Variants in DCDC1 observed in about 807,000 individuals in gnomAD.
DCDC1 encodes doublecortin domain-containing protein 1.
DCDC1 carries 200 observed loss-of-function variants against 178.3 expected under a neutral mutation model. The observed-to-expected ratio is 1.12, with a 90% confidence interval of 1.00 to 1.26. DCDC1 has a LOEUF of 1.26. DCDC1 is among the 50% of genes most tolerant of loss of function. The probability of loss-of-function intolerance (pLI) is 0.00; values close to 1 mark genes in which losing one functional copy is unlikely to be tolerated. For synonymous variants in DCDC1, 690 were observed against 604.8 expected, an observed-to-expected ratio of 1.14 and a Z score of -2.07; for missense variants, 1,983 against 1,749.2, an observed-to-expected ratio of 1.13 and a Z score of -2.38.
At chr11:31,163,423 T>A (rs1372363377) in intron 9 of DCDC1, among the ~76,000 whole-genome samples, 1 of 152,174 alleles carries the variant, frequency 6.6e-6, no homozygotes, top group Non-Finnish European at 1.5e-5. Flanking sequence ...ATTCCTGAAT[T>A]TGTTTGTTTT....
At chr11:30,875,490 C>T (rs945759646) in intron 38 of DCDC1, among the ~76,000 whole-genome samples, 1 of 151,828 alleles carries the variant, frequency 6.6e-6, no homozygotes, top group Admixed American at 6.6e-5. Context: ...GTGTTTTGAT[C>T]ATTCGCTTCC....
At chr11:31,087,641 A>G (rs1957559295) in intron 17 of DCDC1, among the ~76,000 whole-genome samples, 2 of 152,140 alleles carry the variant, frequency 1.3e-5, no homozygotes. Flanking sequence ...GGTTTTGCAG[A>G]AAACTTGCCA....
chr11:31,259,639 A>T (rs1944649529), intron 8 of DCDC1, among the ~76,000 whole-genome samples: 1 of 152,146 alleles, frequency 6.6e-6, no homozygotes. Flanking sequence ...CTTAACCAAC[A>T]CTTTGTGCAG....
At chr11:31,292,058 A>C in intron 6 of DCDC1, among the ~76,000 whole-genome samples, 1 of 152,100 alleles carries the variant, frequency 6.6e-6, no homozygotes, top group East Asian at 1.9e-4. Context: ...ACATACACAC[A>C]TATAAAAACA....
At chr11:31,213,225 T>C (rs972343169) in intron 9 of DCDC1, among the ~76,000 whole-genome samples, 1 of 147,562 alleles carries the variant, frequency 6.8e-6, no homozygotes, top group Non-Finnish European at 1.5e-5. Context: ...CTTCAGTCAC[T>C]TCACCCCAGT....
intron 1 of DCDC1, among the ~76,000 whole-genome samples, chr11:31,345,173 T>G (rs947941408): frequency 2.6e-4 from 40 of 152,162 alleles, no homozygotes; most frequent in Admixed American, 2.6e-3. Context: ...CTTATTATAG[T>G]ATGTGGTTAT....
intron 11 of DCDC1, among the ~76,000 whole-genome samples, chr11:31,117,879 A>G (rs1481616670): frequency 2.0e-5 from 3 of 152,136 alleles, no homozygotes; most frequent in Non-Finnish European, 4.4e-5. Context: ...AAGAATTGCA[A>G]CAAGGATTTC....
chr11:31,071,235 T>C (rs1956539893), intron 18 of DCDC1, among the ~76,000 whole-genome samples: 1 of 152,214 alleles, frequency 6.6e-6, no homozygotes, highest in South Asian at 2.1e-4. Context: ...TGCCAACATT[T>C]GGTATTCATA....
chr11:30,932,221 T>C (rs887302072), intron 21 of DCDC1, among the ~76,000 whole-genome samples: 5 of 149,434 alleles, frequency 3.3e-5, no homozygotes, highest in Admixed American at 2.7e-4. Context: ...CTCGAAAAAA[T>C]AGAACCGAAT....
At chr11:31,078,126 C>A (rs1439952036) in intron 17 of DCDC1, among the ~76,000 whole-genome samples, 1 of 152,170 alleles carries the variant, frequency 6.6e-6, no homozygotes, top group African/African-American at 2.4e-5. Context: ...TGCTCTGGTA[C>A]CCTAAGCGGG....
chr11:31,335,820 G>C (rs945718656), intron 1 of DCDC1, among the ~76,000 whole-genome samples: 1 of 152,120 alleles, frequency 6.6e-6, no homozygotes, highest in African/African-American at 2.4e-5. Flanking sequence ...GATTAAAATA[G>C]CTACAAAATC....
At chr11:31,305,497 C>G in intron 6 of DCDC1, 118 bp downstream of exon 6, 2 of 1,319,200 alleles carry the variant, frequency 1.5e-6, no homozygotes, top group East Asian at 2.4e-5. Context: ...GCTGTAAATG[C>G]GTAAACATTA....
At chr11:30,917,976 TA>T (rs1220237633) in intron 25 of DCDC1, among the ~76,000 whole-genome samples, 1 of 152,110 alleles carries the variant, frequency 6.6e-6, no homozygotes, top group Non-Finnish European at 1.5e-5. Context: ...AACTGGTGGG[TA>T]ATCACTGCCT....
At chr11:31,102,026 G>A (rs1186481116) in intron 15 of DCDC1, among the ~76,000 whole-genome samples, 151 bp downstream of exon 15, 1 of 150,916 alleles carries the variant, frequency 6.6e-6, no homozygotes, top group African/African-American at 2.4e-5. Context: ...GCAGTGAGCC[G>A]AGATGGCACC....
intron 21 of DCDC1, among the ~76,000 whole-genome samples, chr11:30,945,666 C>T (rs373011251): frequency 2.8e-4 from 42 of 151,952 alleles, no homozygotes; most frequent in Non-Finnish European, 5.1e-4. Context: ...GCACTTCAGC[C>T]GGGGTAACAA....
At chr11:30,880,040 T>G (rs531597565) in intron 37 of DCDC1, among the ~76,000 whole-genome samples, 1 of 152,270 alleles carries the variant, frequency 6.6e-6, no homozygotes, top group East Asian at 1.9e-4. Flanking sequence ...TTTAATTAGA[T>G]TGAAAACTCT....
intron 38 of DCDC1, among the ~76,000 whole-genome samples, chr11:30,876,136 G>C (rs1266599243): frequency 6.6e-6 from 1 of 152,124 alleles, no homozygotes; most frequent in Non-Finnish European, 1.5e-5. Flanking sequence ...TAAATTTTTG[G>C]AGTAGGCCAT....
chr11:30,994,512 G>C (rs1054538703), intron 20 of DCDC1, among the ~76,000 whole-genome samples: 2 of 143,564 alleles, frequency 1.4e-5, no homozygotes, highest in Non-Finnish European at 3.0e-5. Context: ...GGCTGGTCTT[G>C]ATCTCCTGAC....
At chr11:31,203,802 C>CAAGA (rs1971569408) in intron 9 of DCDC1, among the ~76,000 whole-genome samples, 1 of 152,054 alleles carries the variant, frequency 6.6e-6, no homozygotes, top group African/African-American at 2.4e-5. Context: ...CTATTAAAGA[C>CAAGA]AAGATATCAC....
Sources: gnomAD v4.1 joint callset for allele counts (sites outside exome capture counted in the v4.1 genomes callset) on GRCh38, gnomAD v4.1.1 for gene constraint, MANE v1.5 for transcripts, NCBI Gene and HGNC (gene_info 2026-07-23, HGNC 2026-07-21) for gene names.